DZIP1: variants seen among roughly 807,000 people sequenced by gnomAD.
DZIP1 encodes cilium assembly protein DZIP1.
In DZIP1, 97 loss-of-function variants were observed where a neutral mutation model predicts 107.6. That is an observed-to-expected ratio of 0.90 (90% CI 0.77 to 1.07). The LOEUF (loss-of-function observed/expected upper bound fraction) is 1.07. Among genes scored for constraint, DZIP1 ranks in the 50% least tolerant of loss-of-function variants. The pLI is 0.00. For missense variants in DZIP1, 1,035 were observed against 1,063.6 expected (o/e 0.97, Z 0.37); for synonymous variants, 390 against 386.4 (o/e 1.01, Z -0.11).
intron 16 of DZIP1, among the ~76,000 whole-genome samples, chr13:95,591,444 A>G (rs1314122844): frequency 1.3e-5 from 2 of 152,196 alleles, no homozygotes; most frequent in African/African-American, 2.4e-5. Flanking sequence ...TTGTTGAATA[A>G]CAGTGTCTCA....
intron 5 of DZIP1, among the ~76,000 whole-genome samples, chr13:95,640,129 A>T (rs1189209515): frequency 2.0e-5 from 3 of 151,982 alleles, no homozygotes; most frequent in Admixed American, 6.6e-5. Flanking sequence ...AGTAGCTGGG[A>T]CTACAGGCAC....
intron 5 of DZIP1, among the ~76,000 whole-genome samples, chr13:95,638,237 G>A (rs1240543817): frequency 6.6e-6 from 1 of 151,838 alleles, no homozygotes; most frequent in Non-Finnish European, 1.5e-5. Context: ...TTACAGGTAT[G>A]CGCCACCACA....
At chr13:95,600,414 A>G (rs908979221) in intron 14 of DZIP1, among the ~76,000 whole-genome samples, 6 of 152,150 alleles carry the variant, frequency 3.9e-5, no homozygotes, top group Non-Finnish European at 8.8e-5. Flanking sequence ...AAAATGGCCA[A>G]CAGTTACCGA....
chr13:95,619,933 T>C lies in DZIP1; in HGVS notation c.1125A>G (p.Thr375=). ...CTTGATGAATAGCTTGAACTCGAGC[T>C]GTCCATTTGCTTTCCTACAAAAGAA... ...QLLDSQESKW[T]ARVQAIHQEH... Residue 375 remains threonine, a synonymous_variant, in exon 10 of 23, where the codon ACA becomes ACG. Coordinates refer to ENST00000376829, the MANE Select transcript of DZIP1 (RefSeq NM_198968.4). The C allele has an allele frequency of 1.2e-6, 2 of 1,613,876 alleles. No individual in the cohort carries two copies. The highest frequency in any genetic ancestry group is 1.7e-6 in the Non-Finnish European group (2 of 1,179,946).
chr13:95,621,665 A>AGTGT (rs3051402), intron 9 of DZIP1, among the ~76,000 whole-genome samples: 19,813 of 123,216 alleles, frequency 0.16, 1,905 homozygotes, highest in Non-Finnish European at 0.22. Flanking sequence ...ACCAGTTAGC[A>AGTGT]GTGTGTGTGT....
rs766333012 is a variant in DZIP1, at chr13:95,582,288, T to C, written c.2550A>G (p.Thr850=). 1 of 1,614,198 alleles carries C rather than the reference T, an allele frequency of 6.2e-7. No individual in the cohort carries two copies. Among genetic ancestry groups the C allele is most frequent in the Admixed American group, 1.7e-5 (1 of 60,030 alleles). ...GEGLQENESS[T]LKSSLVTVTD... Reference sequence around the variant, plus strand: ...TCACAGTTACTAAGCTGCTTTTTAATGTGCTTGATTCATTTTCTTGAAGTC... The same window carrying C: ...TCACAGTTACTAAGCTGCTTTTTAACGTGCTTGATTCATTTTCTTGAAGTC... The change falls in exon 23 of 23, where the codon ACA becomes ACG. Residue 850 remains threonine, a synonymous_variant. Transcript: ENST00000376829.
chr13:95,644,255 A>T (rs942914083), intron 1 of DZIP1, 122 bp downstream of exon 1: 2 of 152,370 alleles, frequency 1.3e-5, no homozygotes, highest in Non-Finnish European at 2.9e-5. Context: ...CGGCTACTCC[A>T]GCTGGATCTG....
At chr13:95,609,013 G>C (rs1475702700) in intron 13 of DZIP1, among the ~76,000 whole-genome samples, 1 of 152,194 alleles carries the variant, frequency 6.6e-6, no homozygotes. Context: ...GCAGAATCTT[G>C]ACAGCTCCGG....
At chr13:95,594,394 T>A (rs1367430649) in intron 15 of DZIP1, among the ~76,000 whole-genome samples, 1 of 152,228 alleles carries the variant, frequency 6.6e-6, no homozygotes, top group Non-Finnish European at 1.5e-5. Flanking sequence ...AGGAGTTTAA[T>A]GTTTTATCAC....
chr13:95,631,026 C>T (rs529594495), intron 6 of DZIP1, among the ~76,000 whole-genome samples: 15 of 152,196 alleles, frequency 9.9e-5, no homozygotes, highest in African/African-American at 3.1e-4. Flanking sequence ...TTTGTTTCTA[C>T]GAAGCTTAGC....
At chr13:95,604,165 C>T (rs558007179) in intron 14 of DZIP1, among the ~76,000 whole-genome samples, 8 of 152,360 alleles carry the variant, frequency 5.3e-5, no homozygotes, top group African/African-American at 1.9e-4. Context: ...ACCCCCACCT[C>T]CCACCTGTAA....
chr13:95,637,497 G>C (rs929719443), intron 5 of DZIP1, among the ~76,000 whole-genome samples: 1 of 152,160 alleles, frequency 6.6e-6, no homozygotes, highest in African/African-American at 2.4e-5. Flanking sequence ...CCAGCTACTT[G>C]CAAGGCTGAG....
Position 95,590,374 on chromosome 13 carries a change from T to G in DZIP1, c.1748A>C (p.Lys583Thr), listed in dbSNP as rs377471729. 3.2e-5 allele frequency: 52 copies of G among 1,613,822 alleles called. No individual in the cohort carries two copies. Among genetic ancestry groups the G allele is most frequent in the Non-Finnish European group, 4.2e-5 (50 of 1,179,960 alleles). ...AAAGTTAGGTATTTCTCTTTCTTGC[T>G]TATGTCTTTCTGATTCCACACTTTT... Reference protein sequence around the residue: ...VLKSVESERHKQEREIPNFHQ... With the variant: ...VLKSVESERHTQEREIPNFHQ... Residue 583 changes from lysine to threonine, a missense_variant, in exon 17 of 23, where the codon AAG becomes ACG. By Grantham distance (78) the Lys-to-Thr change is moderately conservative (BLOSUM62 -1). Coordinates refer to ENST00000376829, the MANE Select transcript of DZIP1 (RefSeq NM_198968.4).
rs555263642 is a variant in DZIP1, at chr13:95,592,556, G to A, written c.1680+1388C>T. Among the ~76,000 whole-genome samples, 5 of 152,258 alleles carry A rather than the reference G, an allele frequency of 3.3e-5. No individual in the cohort carries two copies. The South Asian group carries it at 1.0e-3, about 32-fold the overall frequency. ...TTAGGGACAGTGTGAGTTGGTACAA[G>A]GACTTTGGAAAACTATTTGGCAACA... On this transcript the variant is annotated intron_variant, in intron 16 of 22. Transcript: ENST00000376829.
chr13:95,599,229 A>G (rs2044544040), intron 15 of DZIP1, 136 bp downstream of exon 15: 1 of 721,102 alleles, frequency 1.4e-6, no homozygotes, highest in South Asian at 1.8e-5. Context: ...TGTGGGTTGA[A>G]AGTAAAATCC....
chr13:95,616,446 A>G (rs74109021), intron 10 of DZIP1, among the ~76,000 whole-genome samples: 2,769 of 152,312 alleles, frequency 0.018, 80 homozygotes, highest in African/African-American at 0.062. Context: ...CACATTTCAG[A>G]CACATGAGTG....
Position 95,619,934 on chromosome 13 carries a change from G to C in DZIP1, c.1124C>G (p.Thr375Arg). The change falls in exon 10 of 23, where the codon ACA becomes AGA. Residue 375 changes from threonine to arginine, a missense_variant. By Grantham distance (71) the Thr-to-Arg change is moderately conservative. Transcript: ENST00000376829. ...QLLDSQESKWTARVQAIHQEH... is the reference protein window; with the variant it reads ...QLLDSQESKWRARVQAIHQEH... ...TTGATGAATAGCTTGAACTCGAGCT[G>C]TCCATTTGCTTTCCTACAAAAGAAT... is the stretch of plus-strand genomic sequence containing the variant. 2 of 1,613,688 alleles carry C rather than the reference G, an allele frequency of 1.2e-6. No homozygotes were observed. The highest frequency in any genetic ancestry group is 8.5e-7 in the Non-Finnish European group (1 of 1,179,878).
At chr13:95,592,929 A>C (rs1470345839) in intron 16 of DZIP1, among the ~76,000 whole-genome samples, 2 of 152,240 alleles carry the variant, frequency 1.3e-5, no homozygotes, top group African/African-American at 4.8e-5. Context: ...CTAAGTCAGA[A>C]TACCCTTTCC....
intron 18 of DZIP1, 151 bp from the exon 19 acceptor site, chr13:95,589,358 T>C: frequency 3.1e-6 from 2 of 643,848 alleles, no homozygotes; most frequent in Non-Finnish European, 5.4e-6. Context: ...TAGAGACTGG[T>C]AGGAATTACA....
Sources: gnomAD v4.1 joint callset for allele counts (sites outside exome capture counted in the v4.1 genomes callset) on GRCh38, gnomAD v4.1.1 for gene constraint, MANE v1.5 for transcripts, NCBI Gene and HGNC (gene_info 2026-07-23, HGNC 2026-07-21) for gene names.